The following CTNNA3 variants were observed in gnomAD, a reference collection of about 807,000 sequenced individuals.
The protein encoded by CTNNA3 is catenin alpha-3.
A neutral mutation model predicts 95.7 loss-of-function variants in CTNNA3; 76 were observed. That is an observed-to-expected ratio of 0.79 (90% confidence interval 0.66 to 0.96). CTNNA3 has a LOEUF of 0.96. Ranked by LOEUF, CTNNA3 falls within the 40% of genes least tolerant of loss-of-function variation. CTNNA3 has a pLI of 0.00. For synonymous variants in CTNNA3, 431 were observed against 374.4 expected (o/e 1.15, Z -1.74); for missense variants, 1,191 against 1,089.8 (o/e 1.09, Z -1.31).
intron 17 of CTNNA3, among the ~76,000 whole-genome samples, chr10:65,922,121 T>G (rs183623735): frequency 2.6e-5 from 4 of 152,184 alleles, no homozygotes; most frequent in African/African-American, 9.7e-5. Flanking sequence ...TGGTTCTACC[T>G]TGCGTTTTTT....
At chr10:67,650,788 C>T (rs541455479) in intron 1 of CTNNA3, among the ~76,000 whole-genome samples, 1 of 152,212 alleles carries the variant, frequency 6.6e-6, no homozygotes, top group South Asian at 2.1e-4. Context: ...TTCATCGTGC[C>T]CTGGCAGCAA....
At chr10:66,795,869 C>T (rs967809232) in intron 7 of CTNNA3, among the ~76,000 whole-genome samples, 1 of 152,140 alleles carries the variant, frequency 6.6e-6, no homozygotes, top group African/African-American at 2.4e-5. Context: ...TTCCTTAGAC[C>T]TCATGAACCA....
chr10:66,515,345 C>CTCTCTCTCTCTCTCTA (rs558913767), intron 11 of CTNNA3, among the ~76,000 whole-genome samples: 1 of 148,894 alleles, frequency 6.7e-6, no homozygotes, highest in African/African-American at 2.5e-5. Context: ...CTCTCTCTCT[C>CTCTCTCTCTCTCTCTA]TATATATATA....
chr10:67,530,584 A>T (rs1840296302), intron 4 of CTNNA3, among the ~76,000 whole-genome samples: 1 of 152,220 alleles, frequency 6.6e-6, no homozygotes, highest in African/African-American at 2.4e-5. Flanking sequence ...GTACTGTTAA[A>T]GGCATTCAGT....
chr10:65,934,781 C>T (rs967771134), intron 17 of CTNNA3, among the ~76,000 whole-genome samples: 1 of 151,920 alleles, frequency 6.6e-6, no homozygotes, highest in African/African-American at 2.4e-5. Flanking sequence ...AAGGAAAGCC[C>T]CTTTAATAAG....
At chr10:66,459,339 A>G (rs1392447596) in intron 11 of CTNNA3, among the ~76,000 whole-genome samples, 1 of 152,140 alleles carries the variant, frequency 6.6e-6, no homozygotes, top group Non-Finnish European at 1.5e-5. Flanking sequence ...GGGAGTTGAA[A>G]GTTAAATGCA....
At chr10:67,438,080 T>C (rs1846367482) in intron 5 of CTNNA3, among the ~76,000 whole-genome samples, 1 of 151,746 alleles carries the variant, frequency 6.6e-6, no homozygotes, top group Non-Finnish European at 1.5e-5. Context: ...AATAATGGCT[T>C]GGAGGAAAAT....
chr10:66,479,979 C>CACACACACACACACACACA (rs1565003130), intron 11 of CTNNA3, among the ~76,000 whole-genome samples: 1 of 146,438 alleles, frequency 6.8e-6, no homozygotes. Flanking sequence ...CACACACACA[C>CACACACACACACACACACA]CCCAGAACTT....
intron 5 of CTNNA3, among the ~76,000 whole-genome samples, chr10:67,390,167 C>G (rs889403620): frequency 6.6e-6 from 1 of 151,984 alleles, no homozygotes; most frequent in African/African-American, 2.4e-5. Flanking sequence ...ACTAGCATGA[C>G]TAATAAAGAA....
intron 1 of CTNNA3, among the ~76,000 whole-genome samples, chr10:67,721,760 GC>G (rs1841180978): frequency 6.6e-6 from 1 of 152,164 alleles, no homozygotes; most frequent in African/African-American, 2.4e-5. Context: ...GGAATTTTCA[GC>G]CTTTTTGTGC....
chr10:67,421,812 T>TA (rs887978130), intron 5 of CTNNA3, among the ~76,000 whole-genome samples: 5 of 151,948 alleles, frequency 3.3e-5, no homozygotes, highest in Non-Finnish European at 7.4e-5. Flanking sequence ...TATATAAACT[T>TA]AAAAAAAATA....
intron 5 of CTNNA3, among the ~76,000 whole-genome samples, chr10:67,364,841 CA>C (rs1289490177): frequency 8.5e-5 from 13 of 152,234 alleles, no homozygotes; most frequent in Admixed American, 6.5e-4. Flanking sequence ...ATCAAGCTAC[CA>C]CTGACTTTCT....
chr10:67,509,732 G>T (rs1325361282), intron 5 of CTNNA3, among the ~76,000 whole-genome samples: 2 of 152,176 alleles, frequency 1.3e-5, no homozygotes, highest in Admixed American at 1.3e-4. Context: ...GGATCAAATG[G>T]TATTTCTGCT....
At chr10:67,740,846 A>G (rs1257769869) in intron 1 of CTNNA3, among the ~76,000 whole-genome samples, 1 of 151,472 alleles carries the variant, frequency 6.6e-6, no homozygotes, top group Non-Finnish European at 1.5e-5. Context: ...GCTGCTATAA[A>G]GACACATGCA....
chr10:66,612,492 G>A (rs1052033752), intron 10 of CTNNA3, among the ~76,000 whole-genome samples: 4 of 152,072 alleles, frequency 2.6e-5, no homozygotes, highest in Middle Eastern at 3.4e-3. Flanking sequence ...TTCTTAAGTG[G>A]GGCAACATCA....
intron 9 of CTNNA3, among the ~76,000 whole-genome samples, chr10:66,627,679 T>A (rs908190538): frequency 2.6e-5 from 4 of 152,130 alleles, no homozygotes; most frequent in African/African-American, 9.6e-5. Flanking sequence ...TGCCTCTGGG[T>A]TTAGTCAGCC....
chr10:66,135,720 C>T (rs2083310348), intron 13 of CTNNA3, among the ~76,000 whole-genome samples: 1 of 152,076 alleles, frequency 6.6e-6, no homozygotes, highest in Admixed American at 6.6e-5. Context: ...CTTCACAATG[C>T]GGAGATATTG....
chr10:67,735,174 CAG>C (rs1306840320), intron 1 of CTNNA3, among the ~76,000 whole-genome samples: 22 of 151,170 alleles, frequency 1.5e-4, no homozygotes, highest in South Asian at 2.1e-4. Flanking sequence ...CACACACACA[CAG>C]GCTCTCTTAG....
At chr10:67,678,304 A>G (rs1840569229) in intron 1 of CTNNA3, among the ~76,000 whole-genome samples, 1 of 152,158 alleles carries the variant, frequency 6.6e-6, no homozygotes. Context: ...AAGAAAAGAA[A>G]GTTGACTGAA....
Sources: allele counts gnomAD v4.1 joint callset (sites outside exome capture counted in the v4.1 genomes callset), GRCh38; gene constraint gnomAD v4.1.1; transcripts MANE v1.5; gene names NCBI Gene and HGNC (gene_info 2026-07-23, HGNC 2026-07-21).